ITFG2: variants seen among roughly 807,000 people sequenced by gnomAD.
ITFG2 encodes KICSTOR complex protein ITFG2.
A neutral mutation model predicts 54.4 loss-of-function variants in ITFG2; 36 were observed. The ratio of observed to expected loss-of-function variants is 0.66; its 90% confidence interval spans 0.51 to 0.87. The LOEUF (loss-of-function observed/expected upper bound fraction) is 0.87. Ranked by LOEUF, ITFG2 falls within the 40% of genes least tolerant of loss-of-function variation. The pLI is 0.00. For synonymous variants in ITFG2, 211 were observed against 225.4 expected (o/e 0.94, Z 0.57); for missense variants, 524 against 576.7 (o/e 0.91, Z 0.94).
intron 2 of ITFG2, among the ~76,000 whole-genome samples, chr12:2,846,276 G>A (rs959205482): frequency 6.6e-6 from 1 of 152,200 alleles, no homozygotes; most frequent in African/African-American, 2.4e-5. Context: ...CTGTGTGAGT[G>A]CAGCTTCCTT....
intron 2 of ITFG2, among the ~76,000 whole-genome samples, chr12:2,855,832 C>G (rs1360768752): frequency 1.3e-5 from 2 of 152,114 alleles, no homozygotes; most frequent in Non-Finnish European, 2.9e-5. Context: ...GGAAATGCTC[C>G]CTACCATGCC....
chr12:2,856,761 T>C (rs1171444968), intron 2 of ITFG2, among the ~76,000 whole-genome samples: 1 of 152,184 alleles, frequency 6.6e-6, no homozygotes, highest in Non-Finnish European at 1.5e-5. Flanking sequence ...CTGGGAGATG[T>C]GGCACTAGCC....
At chr12:2,843,000 C>T (rs1465833907) in intron 2 of ITFG2, among the ~76,000 whole-genome samples, 1 of 152,178 alleles carries the variant, frequency 6.6e-6, no homozygotes, top group African/African-American at 2.4e-5. Flanking sequence ...ATCTTTTCAA[C>T]ATTCTTTCCT....
chr12:2,812,669 C>A lies in ITFG2; in HGVS notation c.-92C>A. On this transcript the variant is annotated 5_prime_UTR_variant, in exon 1 of 12. Coordinates refer to ENST00000228799, the MANE Select transcript of ITFG2 (RefSeq NM_018463.4). ...GTTCAGGCAGTGACGTAACTTGCTG[C>A]CTTAGGTGGCCTTCCGCTCTGGCGG... is the stretch of plus-strand genomic sequence containing the variant. 1.0e-6 allele frequency: 1 copy of A among 985,898 alleles called. No individual in the cohort carries two copies. The highest frequency in any genetic ancestry group is 1.6e-6 in the Non-Finnish European group (1 of 619,622). The allele number at this position is 985,898 out of a possible 1,614,324, so 61.1% of individuals were successfully genotyped here.
upstream of ITFG2, among the ~76,000 whole-genome samples, chr12:2,833,640 G>A (rs149164414): frequency 2.6e-5 from 4 of 152,130 alleles, no homozygotes; most frequent in African/African-American, 9.7e-5. Flanking sequence ...GGAACCGAGT[G>A]CTCCCAAGCC....
intron 2 of ITFG2, among the ~76,000 whole-genome samples, chr12:2,846,270 G>T (rs1476118355): frequency 6.6e-6 from 1 of 152,222 alleles, no homozygotes; most frequent in Non-Finnish European, 1.5e-5. Flanking sequence ...AGGAGCCTGT[G>T]TGAGTGCAGC....
chr12:2,830,430 T>C (rs1486780935), intron 2 of ITFG2: 1 of 354,148 alleles, frequency 2.8e-6, no homozygotes, highest in Non-Finnish European at 5.1e-6. Context: ...CATTTGTCTG[T>C]GTAGAGCACA....
chr12:2,853,209 C>A (rs61919364), intron 2 of ITFG2, among the ~76,000 whole-genome samples: 1 of 151,964 alleles, frequency 6.6e-6, no homozygotes, highest in Admixed American at 6.6e-5. Flanking sequence ...GCAAGGGTAG[C>A]AGGGAAGCAG....
chr12:2,855,432 G>T, intron 2 of ITFG2: 2 of 1,470,604 alleles, frequency 1.4e-6, no homozygotes, highest in Non-Finnish European at 1.8e-6. Flanking sequence ...GGAGGGACTC[G>T]CTGGCCTGGA....
downstream of ITFG2, chr12:2,825,712 C>T (rs537164415): frequency 6.0e-4 from 92 of 152,560 alleles, no homozygotes; most frequent in South Asian, 1.2e-3. Context: ...TTCAGCCCAA[C>T]GGTCCCAGTT....
At chr12:2,854,686 C>A (rs1023382327) in intron 2 of ITFG2, among the ~76,000 whole-genome samples, 1 of 152,118 alleles carries the variant, frequency 6.6e-6, no homozygotes, top group Non-Finnish European at 1.5e-5. Context: ...CATAGCTGTC[C>A]CCCAGATTTT....
At chr12:2,858,477 T>G in intron 3 of ITFG2, 1 of 614,590 alleles carries the variant, frequency 1.6e-6, no homozygotes, top group South Asian at 2.1e-5. Flanking sequence ...GTCCCAGCAG[T>G]GGCTAGGGTG....
chr12:2,858,434 G>A, intron 3 of ITFG2: 1 of 552,462 alleles, frequency 1.8e-6, no homozygotes, highest in Non-Finnish European at 3.2e-6. Flanking sequence ...GGCAGGGACA[G>A]CAGAGGAATC....
chr12:2,812,992 A>C (rs1392508749), intron 1 of ITFG2, 136 bp downstream of exon 1: 2 of 660,494 alleles, frequency 3.0e-6, no homozygotes, highest in Non-Finnish European at 5.3e-6. Context: ...TAGAGAGAAA[A>C]ACTTTATTGA....
chr12:2,832,386 G>A (rs745673053), upstream of ITFG2, among the ~76,000 whole-genome samples: 4 of 151,848 alleles, frequency 2.6e-5, no homozygotes, highest in Non-Finnish European at 4.4e-5. Context: ...ATACCAGGCC[G>A]CTTTTTGCCT....
Position 2,824,246 on chromosome 12 carries a change from C to T in ITFG2, c.*53C>T, listed in dbSNP as rs574798377. 1.5e-4 allele frequency: 231 copies of T among 1,535,812 alleles called. No homozygotes were observed. The Admixed American group carries it at 3.7e-3, about 25-fold the overall frequency. The stretch of plus-strand genomic sequence containing the variant: ...ATTCTTCTGAACCCCCACCCTACCC[C>T]CTAAAGGTATCTGTGGTATTGGCAG... On this transcript the variant is annotated 3_prime_UTR_variant, in exon 12 of 12. Coordinates refer to ENST00000228799, the MANE Select transcript of ITFG2 (RefSeq NM_018463.4).
At chr12:2,821,496 T>A in intron 7 of ITFG2, 47 bp from the exon 8 acceptor site, 1 of 1,604,810 alleles carries the variant, frequency 6.2e-7, no homozygotes, top group Non-Finnish European at 8.5e-7. Flanking sequence ...CCCCGTAGGC[T>A]CTGACCTTGC....
At chr12:2,853,746 C>T (rs568314593) in intron 2 of ITFG2, among the ~76,000 whole-genome samples, 1 of 152,198 alleles carries the variant, frequency 6.6e-6, no homozygotes, top group East Asian at 1.9e-4. Flanking sequence ...ATGCGTAGTG[C>T]CTGGGCTGGA....
At position 2,820,140 on chromosome 12, in the gene ITFG2, C is replaced by G; in HGVS notation, c.461C>G (p.Ala154Gly). ...GGCTACACAGACCGTGTGGTGCGAGCTTTCCGCTGGGAGGAGCTAGGTGAG... is the reference window on the plus strand; with the variant it reads ...GGCTACACAGACCGTGTGGTGCGAGGTTTCCGCTGGGAGGAGCTAGGTGAG... The part of the protein sequence containing the change: ...VVGYTDRVVR[A>G]FRWEELGEGP... The change falls in exon 5 of 12, where the codon GCT (alanine) becomes GGT (glycine). Residue 154 changes from alanine (A) to glycine (G), a missense_variant. Physicochemically the swap from Ala to Gly is moderately conservative, Grantham distance 60. Coordinates refer to ENST00000228799, the MANE Select transcript of ITFG2 (RefSeq NM_018463.4). 1 of 1,613,988 alleles carries G rather than the reference C, an allele frequency of 6.2e-7. No homozygotes were observed. The highest frequency in any genetic ancestry group is 1.1e-5 in the South Asian group (1 of 91,074).
Sources: allele counts gnomAD v4.1 joint callset (sites outside exome capture counted in the v4.1 genomes callset), GRCh38; gene constraint gnomAD v4.1.1; transcripts MANE v1.5; gene names NCBI Gene and HGNC (gene_info 2026-07-23, HGNC 2026-07-21).